Variants in PRPH observed in about 807,000 individuals in gnomAD.
PRPH encodes the protein peripherin, also known as neurofilament 4 (57kD).
Under a neutral mutation model 52.6 loss-of-function variants are expected in PRPH, and 48 were observed. The observed-to-expected ratio is 0.91, with a 90% CI of 0.72 to 1.16. The LOEUF (loss-of-function observed/expected upper bound fraction) is 1.16. Among genes scored for constraint, PRPH ranks in the 50% most tolerant of loss-of-function variants. PRPH has a pLI of 0.00. For synonymous variants in PRPH, 279 were observed against 283.8 expected (o/e 0.98, Z 0.17); for missense variants, 579 against 635.7 (o/e 0.91, Z 0.96).
chr12:49,298,131 A>C (rs767488276), intron 8 of PRPH, 94 bp downstream of exon 8: 7 of 1,500,994 alleles, frequency 4.7e-6, no homozygotes, highest in Admixed American at 3.7e-5. Flanking sequence ...AGGGTGGGTA[A>C]TTCTTGGGGA....
At chr12:49,295,941 G>T in intron 1 of PRPH, 196 bp downstream of exon 1, 1 of 1,450,288 alleles carries the variant, frequency 6.9e-7, no homozygotes. Context: ...TGCTCTGAGT[G>T]TTTGGGGAGG....
At position 49,297,105 on chromosome 12, in the gene PRPH, C is replaced by A. The variant is rs1943192753; in HGVS notation, c.871-43C>A. ...GAGGCGGGACGCTGGGGTGGTGTCG[C>A]GCGTCCCAGCCGACTAAAGCCTGGG... is the stretch of plus-strand genomic sequence containing the variant. On this transcript the variant is annotated intron_variant, in intron 4 of 8. Transcript: ENST00000257860. This position sits in a 1 kb window ranked among gnomAD's most constrained non-coding sequence, Gnocchi z 4.4. 6.2e-7 allele frequency: 1 copy of A among 1,613,750 alleles called. No homozygotes were observed. Among genetic ancestry groups the A allele is most frequent in the Non-Finnish European group, 8.5e-7 (1 of 1,179,960 alleles).
In PRPH at chr12:49,295,629, G is replaced by C. The variant is rs1161634302; in HGVS notation, c.429G>C (p.Leu143=). 1.3e-6 allele frequency: 2 copies of C among 1,544,576 alleles called. No individual in the cohort carries two copies. The highest frequency in any genetic ancestry group is 1.7e-6 in the Non-Finnish European group (2 of 1,145,514). ...AGGAGCCGGCGCGCGCCGACCAGCT[G>C]TGCCAGCAGGAGCTGCGCGAGCTGC... The part of the protein sequence containing the change: ...RGQEPARADQ[L]CQQELRELRR... Residue 143 remains leucine (L), a synonymous_variant, in exon 1 of 9, where the codon CTG becomes CTC. Coordinates refer to ENST00000257860, the MANE Select transcript of PRPH (RefSeq NM_006262.4).
At position 49,295,641 on chromosome 12, in the gene PRPH, G is replaced by A. The variant is rs1381690235; in HGVS notation, c.441G>A (p.Glu147=). ...GCGCCGACCAGCTGTGCCAGCAGGA[G>A]CTGCGCGAGCTGCGGCGAGAGCTGG... ...PARADQLCQQ[E]LRELRRELEL... is the part of the protein sequence containing the mutation. Residue 147 remains glutamate, a synonymous_variant, in exon 1 of 9, where the codon GAG becomes GAA. Transcript: ENST00000257860. The A allele has an allele frequency of 1.2e-5, 18 of 1,540,604 alleles. No individual in the cohort carries two copies. Among genetic ancestry groups the A allele is most frequent in the Admixed American group, 5.9e-5 (3 of 50,656 alleles).
At position 49,298,351 on chromosome 12, in the gene PRPH, T is replaced by C. The variant is rs138186252; in HGVS notation, c.1411T>C (p.Ter471ArgextTer11). The C allele has an allele frequency of 2.5e-6, 4 of 1,614,180 alleles. No individual in the cohort carries two copies. The highest frequency in any genetic ancestry group is 3.4e-6 in the Non-Finnish European group (4 of 1,180,014). ...GGACAAGTCTTCTGCCCACAGTTAC[T>C]GAACCCCTTGGTCCGGAGCCTTGAC... The part of the protein sequence containing the change: ...ELDKSSAHSY[*>R] Residue 471 changes from the stop codon to arginine, a stop_lost, in exon 9 of 9, where the codon TGA becomes CGA. Transcript: ENST00000257860.
At position 49,295,512 on chromosome 12, in the gene PRPH, CA is replaced by C. The variant is rs780442155; in HGVS notation, c.314del (p.Asn105ThrfsTer25). On this transcript the variant is annotated frameshift_variant, in exon 1 of 9. Transcript: ENST00000257860. LOFTEE classifies it high-confidence loss of function. Reference sequence around the variant, plus strand: ...ACGAGAAGCAGGAGCTGCAGGAGCTCAACGACCGCTTCGCCAACTTCATCGA... The same window carrying C: ...ACGAGAAGCAGGAGCTGCAGGAGCTCACGACCGCTTCGCCAACTTCATCGA... ...SNEKQELQELNDRFANFIEKV... is the reference protein window; with the variant it reads ...SNEKQELQELXDRFANFIEKV... 37 of 1,605,458 alleles carry C rather than the reference CA, an allele frequency of 2.3e-5. 1 individual carries two copies. The South Asian group carries it at 3.7e-4, about 16-fold the overall frequency.
rs1943196201 is a variant in PRPH, at chr12:49,297,234, CCA to C, written c.958_959del (p.Gln320GlufsTer105). 7.4e-6 allele frequency: 12 copies of C among 1,614,052 alleles called. No individual in the cohort carries two copies. Among genetic ancestry groups the C allele is most frequent in the African/African-American group, 1.3e-5 (1 of 75,024 alleles). On this transcript the variant is annotated frameshift_variant, in exon 5 of 9. Transcript: ENST00000257860. LOFTEE classifies it high-confidence loss of function. The surrounding 1 kb of genome is among the most constrained non-coding windows in gnomAD (Gnocchi z 4.4). ...AGATGAACGAGTCCCGACGCCAGAT[CCA>C]GAGTCTAACGTGCGAGGTGGACGGG... ...QEMNESRRQI[Q>X]SLTCEVDGLR...
At position 49,297,820 on chromosome 12, in the gene PRPH, G is replaced by C. The variant is rs1460866754; in HGVS notation, c.1267+94G>C. 2.5e-6 allele frequency: 4 copies of C among 1,596,506 alleles called. No individual in the cohort carries two copies. Among genetic ancestry groups the C allele is most frequent in the Non-Finnish European group, 3.4e-6 (4 of 1,164,572 alleles). On this transcript the variant is annotated intron_variant, in intron 7 of 8. Transcript: ENST00000257860. This position sits in a 1 kb window ranked among gnomAD's most constrained non-coding sequence, Gnocchi z 4.4. The stretch of plus-strand genomic sequence containing the variant: ...CACCTCAGGGATCTCTTCTCCCCAC[G>C]GAACTTCTGGGTCCTGGCCTGTACC...
Position 49,297,748 on chromosome 12 carries a change from T to C in PRPH, c.1267+22T>C. On this transcript the variant is annotated intron_variant, in intron 7 of 8. Transcript: ENST00000257860. This position sits in a 1 kb window ranked among gnomAD's most constrained non-coding sequence, Gnocchi z 4.4. ...ACTGGTGAGTCTGGCTTACAGCCTGTACCTCTCCTTGTCCACTTCTGCCCT... is the reference window on the plus strand; with the variant it reads ...ACTGGTGAGTCTGGCTTACAGCCTGCACCTCTCCTTGTCCACTTCTGCCCT... The C allele has an allele frequency of 6.2e-7, 1 of 1,613,644 alleles. No individual in the cohort carries two copies. The highest frequency in any genetic ancestry group is 8.5e-7 in the Non-Finnish European group (1 of 1,179,920).
At position 49,295,405 on chromosome 12, in the gene PRPH, G is replaced by A; in HGVS notation, c.205G>A (p.Ala69Thr). Reference protein sequence around the residue: ...SFRSPRAGAGALLRLPSERLD... With the variant: ...SFRSPRAGAGTLLRLPSERLD... ...CCGTAGCCCCCGAGCGGGAGCGGGC[G>A]CCCTCCTGCGCCTGCCCTCGGAGCG... Residue 69 changes from alanine (A) to threonine (T), a missense_variant, in exon 1 of 9, where the codon GCC becomes ACC. By Grantham distance (58) the Ala-to-Thr change is moderately conservative (BLOSUM62 0). Coordinates refer to ENST00000257860, the MANE Select transcript of PRPH (RefSeq NM_006262.4). 1 of 1,604,720 alleles carries A rather than the reference G, an allele frequency of 6.2e-7. No homozygotes were observed. The highest frequency in any genetic ancestry group is 8.5e-7 in the Non-Finnish European group (1 of 1,176,642).
At chr12:49,296,000 T>C in intron 1 of PRPH, 178 bp from the exon 2 acceptor site, 1 of 1,361,676 alleles carries the variant, frequency 7.3e-7, no homozygotes, top group East Asian at 2.5e-5. Context: ...GGAAACCCCC[T>C]TTTCAGCTCC....
chr12:49,297,651 G>A lies in PRPH; in HGVS notation c.1218-26G>A, dbSNP rs1392699866. 13 of 1,613,050 alleles carry A rather than the reference G, an allele frequency of 8.1e-6. No homozygotes were observed. The highest frequency in any genetic ancestry group is 1.1e-5 in the Non-Finnish European group (13 of 1,179,884). ...CGGGCAGGGCGGGGCCTGGGCAGGG[G>A]CGCTGACAACTTGCTTCGCCTCTAG... On this transcript the variant is annotated intron_variant, in intron 6 of 8. Transcript: ENST00000257860. This position sits in a 1 kb window ranked among gnomAD's most constrained non-coding sequence, Gnocchi z 4.4.
Position 49,297,122 on chromosome 12 carries a change from A to C in PRPH, c.871-26A>C, listed in dbSNP as rs1943193030. The C allele has an allele frequency of 6.8e-6, 11 of 1,613,872 alleles. No individual in the cohort carries two copies. The highest frequency in any genetic ancestry group is 9.3e-6 in the Non-Finnish European group (11 of 1,179,940). Reference sequence around the variant, plus strand: ...TGGTGTCGCGCGTCCCAGCCGACTAAAGCCTGGGTTACCCCCACTTCTCAG... The same window carrying C: ...TGGTGTCGCGCGTCCCAGCCGACTACAGCCTGGGTTACCCCCACTTCTCAG... On this transcript the variant is annotated intron_variant, in intron 4 of 8. Coordinates refer to ENST00000257860, the MANE Select transcript of PRPH (RefSeq NM_006262.4). This position sits in a 1 kb window ranked among gnomAD's most constrained non-coding sequence, Gnocchi z 4.4.
Position 49,297,763 on chromosome 12 carries a change from A to G in PRPH, c.1267+37A>G, listed in dbSNP as rs201124080. On this transcript the variant is annotated intron_variant, in intron 7 of 8. Transcript: ENST00000257860. The surrounding 1 kb of genome is among the most constrained non-coding windows in gnomAD (Gnocchi z 4.4). Reference sequence around the variant, plus strand: ...TTACAGCCTGTACCTCTCCTTGTCCACTTCTGCCCTCCTCGGGCTCTTGCT... The same window carrying G: ...TTACAGCCTGTACCTCTCCTTGTCCGCTTCTGCCCTCCTCGGGCTCTTGCT... 1 of 1,613,218 alleles carries G rather than the reference A, an allele frequency of 6.2e-7. No individual in the cohort carries two copies. Among genetic ancestry groups the G allele is most frequent in the Non-Finnish European group, 8.5e-7 (1 of 1,179,568 alleles).
Position 49,296,188 on chromosome 12 carries a change from G to A in PRPH, c.556G>A (p.Glu186Lys), listed in dbSNP as rs1466295863. Reference sequence around the variant, plus strand: ...CGCTCTTCCCGTCAGGTTGGAGGAGGAGACGCGCAAGCGGGAGGACGCGGA... The same window carrying A: ...CGCTCTTCCCGTCAGGTTGGAGGAGAAGACGCGCAAGCGGGAGGACGCGGA... ...LAALKQRLEE[E>K]TRKREDAEHN... Residue 186 changes from glutamate (E) to lysine (K), a missense_variant, in exon 2 of 9, where the codon GAG becomes AAG. By Grantham distance (56) the Glu-to-Lys change is moderately conservative. Coordinates refer to ENST00000257860, the MANE Select transcript of PRPH (RefSeq NM_006262.4). The surrounding 1 kb of genome is among the most constrained non-coding windows in gnomAD (Gnocchi z 5.1). 1 of 1,612,514 alleles carries A rather than the reference G, an allele frequency of 6.2e-7. No homozygotes were observed. Among genetic ancestry groups the A allele is most frequent in the Admixed American group, 1.7e-5 (1 of 60,008 alleles).
Position 49,296,811 on chromosome 12 carries a change from TCTC to T in PRPH, c.703-77_703-75del. The T allele has an allele frequency of 6.5e-7, 1 of 1,546,318 alleles. No homozygotes were observed. Among genetic ancestry groups the T allele is most frequent in the South Asian group, 1.2e-5 (1 of 84,774 alleles). On this transcript the variant is annotated intron_variant, in intron 3 of 8. Transcript: ENST00000257860. The surrounding 1 kb of genome is among the most constrained non-coding windows in gnomAD (Gnocchi z 5.1). ...CACTTCTGTTCGTTCAAGCGTTTCT[TCTC>T]TTTTCTGTGCACGAACTGCGTGGCC...
In PRPH at chr12:49,296,110, G is replaced by C. The variant is rs1225405039; in HGVS notation, c.546-68G>C. 6.6e-7 allele frequency: 1 copy of C among 1,515,350 alleles called. No individual in the cohort carries two copies. The highest frequency in any genetic ancestry group is 2.3e-5 in the East Asian group (1 of 43,364). 93.9% of individuals were successfully genotyped at this position (1,515,350 alleles called of 1,614,324 possible). Reference sequence around the variant, plus strand: ...ACAGCCTCTAACCGGATCCTGGGGGGCGTGCGGTCTGGGGTGCGAGCTGGG... The same window carrying C: ...ACAGCCTCTAACCGGATCCTGGGGGCCGTGCGGTCTGGGGTGCGAGCTGGG... On this transcript the variant is annotated intron_variant, in intron 1 of 8. Coordinates refer to ENST00000257860, the MANE Select transcript of PRPH (RefSeq NM_006262.4). The surrounding 1 kb of genome is among the most constrained non-coding windows in gnomAD (Gnocchi z 5.1).
rs1943208497 is a variant in PRPH, at chr12:49,297,778, G to A, written c.1267+52G>A. The A allele has an allele frequency of 6.2e-7, 1 of 1,611,834 alleles. No individual in the cohort carries two copies. The highest frequency in any genetic ancestry group is 8.5e-7 in the Non-Finnish European group (1 of 1,178,428). On this transcript the variant is annotated intron_variant, in intron 7 of 8. Transcript: ENST00000257860. The surrounding 1 kb of genome is among the most constrained non-coding windows in gnomAD (Gnocchi z 4.4). ...CTCCTTGTCCACTTCTGCCCTCCTC[G>A]GGCTCTTGCTCTGGCTCACCTCAGG...
chr12:49,295,962 G>C (rs1943173088), intron 1 of PRPH: 1 of 1,430,958 alleles, frequency 7.0e-7, no homozygotes, highest in East Asian at 2.5e-5. Flanking sequence ...TGGGAGAAGT[G>C]GGTATCTGTG....
Sources: allele counts gnomAD v4.1 joint callset, GRCh38; gene constraint gnomAD v4.1.1; non-coding constraint Gnocchi (gnomAD v3.1); transcripts MANE v1.5; gene names NCBI Gene and HGNC (gene_info 2026-07-23, HGNC 2026-07-21).